Variants in ZC3H3 observed in about 807,000 individuals in gnomAD.
ZC3H3 encodes zinc finger CCCH domain-containing protein 3.
In ZC3H3, 36 loss-of-function variants were observed where a neutral mutation model predicts 77.3. That is an observed-to-expected ratio of 0.47 (90% confidence interval 0.36 to 0.61). The LOEUF is 0.61. ZC3H3 is among the 20% of genes least tolerant of loss of function. The pLI, the probability that ZC3H3 is intolerant of heterozygous loss-of-function variation, is 0.00. For synonymous variants in ZC3H3, 626 were observed against 555.2 expected, an observed-to-expected ratio of 1.13 and a Z score of -1.79; for missense variants, 1,331 against 1,312.2, an observed-to-expected ratio of 1.01 and a Z score of -0.22.
In ZC3H3 at chr8:143,500,197, C is replaced by G. The variant is rs182530909; in HGVS notation, c.1715+7549G>C. Among the ~76,000 whole-genome samples, 5 of 152,376 alleles carry G rather than the reference C, an allele frequency of 3.3e-5. No homozygotes were observed. The East Asian group carries it at 9.6e-4, about 29-fold the overall frequency. On this transcript the variant is annotated intron_variant, in intron 4 of 11. Coordinates refer to ENST00000262577, the MANE Select transcript of ZC3H3 (RefSeq NM_015117.3). ...CAGCAGCCACCCACAGAACTATCTG[C>G]TTCTGTTGTCTGCTTGCTTCCTGAC...
chr8:143,464,191 C>T (rs1001820136), intron 9 of ZC3H3, among the ~76,000 whole-genome samples: 8 of 152,256 alleles, frequency 5.3e-5, no homozygotes, highest in South Asian at 2.1e-4. Flanking sequence ...ATCATGCGGG[C>T]GCCGCGGCGC....
chr8:143,447,330 C>T (rs1226755477), intron 9 of ZC3H3, among the ~76,000 whole-genome samples: 6 of 152,230 alleles, frequency 3.9e-5, no homozygotes, highest in African/African-American at 1.4e-4. Flanking sequence ...CCACCACCAG[C>T]CACCTTGGAG....
chr8:143,477,694 CGGCCACTACCT>C (rs2129915462), intron 4 of ZC3H3, among the ~76,000 whole-genome samples: 1 of 152,296 alleles, frequency 6.6e-6, no homozygotes, highest in African/African-American at 2.4e-5. Context: ...ACAGGAGCTA[CGGCCACTACCT>C]GGGGGACACT....
At chr8:143,526,845 G>A (rs1190338902) in intron 3 of ZC3H3, among the ~76,000 whole-genome samples, 2 of 152,174 alleles carry the variant, frequency 1.3e-5, no homozygotes, top group Admixed American at 1.3e-4. Context: ...CTCAACAGGA[G>A]GCCAGCTGAG....
intron 3 of ZC3H3, among the ~76,000 whole-genome samples, chr8:143,515,454 C>G (rs1010412180): frequency 6.6e-5 from 10 of 152,252 alleles, no homozygotes; most frequent in Non-Finnish European, 1.5e-4. Context: ...TGTGGGGACC[C>G]TGCAGTTGTG....
chr8:143,508,420 C>A (rs1401331042), intron 3 of ZC3H3, among the ~76,000 whole-genome samples: 1 of 152,226 alleles, frequency 6.6e-6, no homozygotes, highest in Non-Finnish European at 1.5e-5. Context: ...CACCGCTGTG[C>A]CCAGACAGAC....
chr8:143,511,254 G>A (rs974787873), intron 3 of ZC3H3, among the ~76,000 whole-genome samples: 1 of 152,154 alleles, frequency 6.6e-6, no homozygotes, highest in Non-Finnish European at 1.5e-5. Context: ...AGGGGTCCAG[G>A]AGTCCTGCAG....
At chr8:143,446,788 G>A (rs1474901508) in intron 9 of ZC3H3, among the ~76,000 whole-genome samples, 1 of 152,268 alleles carries the variant, frequency 6.6e-6, no homozygotes, top group Non-Finnish European at 1.5e-5. Flanking sequence ...CACACTGCCT[G>A]GCCATGCACT....
In ZC3H3 at chr8:143,475,548, C is replaced by A. The variant is rs772856401; in HGVS notation, c.1753G>T (p.Gly585Trp). The change falls in exon 5 of 12, where the codon GGG becomes TGG. Residue 585 changes from glycine to tryptophan, a missense_variant. Transcript: ENST00000262577. ...VLNRLRPVASGGGKAQPGSPW... is the reference protein window; with the variant it reads ...VLNRLRPVASWGGKAQPGSPW... ...GAGCCCGGTTGGGCTTTCCCACCCC[C>A]GCTGGCAACTGGACGCAGGCGGTTC... 9 of 1,609,424 alleles carry A rather than the reference C, an allele frequency of 5.6e-6. No homozygotes were observed. Among genetic ancestry groups the A allele is most frequent in the Non-Finnish European group, 7.6e-6 (9 of 1,178,488 alleles).
chr8:143,527,657 T>C (rs1053523422), intron 3 of ZC3H3, among the ~76,000 whole-genome samples: 1 of 152,184 alleles, frequency 6.6e-6, no homozygotes, highest in African/African-American at 2.4e-5. Flanking sequence ...GGACTCCAGA[T>C]CTAACTGCTC....
In ZC3H3 at chr8:143,438,081, G is replaced by A. The variant is rs1399422656; in HGVS notation, c.2822C>T (p.Pro941Leu). 6.2e-7 allele frequency: 1 copy of A among 1,610,842 alleles called. No homozygotes were observed. Residue 941 changes from proline (P) to leucine (L), a missense_variant, in exon 12 of 12, where the codon CCT (proline) becomes CTT (leucine). Around this residue, in one of 3 missense-constraint regions of ZC3H3, gnomAD observed 249 missense variants for 236.9 expected, o/e 1.05. Transcript: ENST00000262577. ...RAPLTKDSGKPLHIKPRL is the reference protein window; with the variant it reads ...RAPLTKDSGKLLHIKPRL Reference sequence around the variant, plus strand: ...TCACAGACGTGGTTTGATGTGCAGAGGCTTCCCTATGCAAAGAGGGCAAAA... The same window carrying A: ...TCACAGACGTGGTTTGATGTGCAGAAGCTTCCCTATGCAAAGAGGGCAAAA...
intron 4 of ZC3H3, among the ~76,000 whole-genome samples, chr8:143,476,169 G>C (rs1272093422): frequency 6.6e-6 from 1 of 152,142 alleles, no homozygotes; most frequent in African/African-American, 2.4e-5. Flanking sequence ...GACACCATAG[G>C]GTCAGCAGGC....
At chr8:143,516,474 G>A (rs1586947211) in intron 3 of ZC3H3, among the ~76,000 whole-genome samples, 2 of 151,422 alleles carry the variant, frequency 1.3e-5, no homozygotes, top group East Asian at 2.0e-4. Context: ...ATCCCACATT[G>A]GCAGAAAAAC....
intron 9 of ZC3H3, among the ~76,000 whole-genome samples, chr8:143,450,473 A>C (rs1256615070): frequency 6.6e-6 from 1 of 152,146 alleles, no homozygotes; most frequent in Non-Finnish European, 1.5e-5. Context: ...GAGCCACTGC[A>C]CCCAGTCAAG....
chr8:143,539,240 T>C lies in ZC3H3; in HGVS notation c.127A>G (p.Thr43Ala). 1 of 1,612,726 alleles carries C rather than the reference T, an allele frequency of 6.2e-7. No homozygotes were observed. Among genetic ancestry groups the C allele is most frequent in the Non-Finnish European group, 8.5e-7 (1 of 1,179,950 alleles). Residue 43 changes from threonine (T) to alanine (A), a missense_variant, in exon 2 of 12, where the codon ACT becomes GCT. Physicochemically the swap from Thr to Ala is moderately conservative, Grantham distance 58. Coordinates refer to ENST00000262577, the MANE Select transcript of ZC3H3 (RefSeq NM_015117.3). Reference protein sequence around the residue: ...TPAASGWQPPTYHSGRAFSAR... With the variant: ...TPAASGWQPPAYHSGRAFSAR... ...CTAAAGGCTCTGCCACTGTGGTAAG[T>C]GGGTGGCTGCCACCCAGAAGCTGCT...
intron 9 of ZC3H3, among the ~76,000 whole-genome samples, chr8:143,454,619 G>C (rs71520522): frequency 6.6e-6 from 1 of 151,544 alleles, no homozygotes; most frequent in Non-Finnish European, 1.5e-5. Flanking sequence ...TACCGTGTTA[G>C]CCAGGATGGT....
intron 3 of ZC3H3, among the ~76,000 whole-genome samples, chr8:143,517,853 C>T (rs1273449136): frequency 6.6e-6 from 1 of 152,238 alleles, no homozygotes; most frequent in African/African-American, 2.4e-5. Context: ...CCTGTGCTCC[C>T]TGCCCCACCT....
chr8:143,507,804 C>A lies in ZC3H3; in HGVS notation c.1657G>T (p.Ala553Ser), dbSNP rs779568989. 4 of 1,606,486 alleles carry A rather than the reference C, an allele frequency of 2.5e-6. No homozygotes were observed. Among genetic ancestry groups the A allele is most frequent in the Non-Finnish European group, 3.4e-6 (4 of 1,178,192 alleles). ...GGCAGAGACAGGGGGAAGGGCGGGG[C>A]GCTGAGAGGCGAGGCCGGCGTCTTC... is the stretch of plus-strand genomic sequence containing the variant. ...VKKTPASPLS[A>S]PPFPLSLPSW... The change falls in exon 4 of 12, where the codon GCC becomes TCC. Residue 553 changes from alanine to serine, a missense_variant. By Grantham distance (99) the Ala-to-Ser change is moderately conservative. Around this residue, in one of 3 missense-constraint regions of ZC3H3, gnomAD observed 978 missense variants for 915.5 expected, o/e 1.07. Transcript: ENST00000262577.
chr8:143,464,613 C>T (rs1045487689), intron 9 of ZC3H3, among the ~76,000 whole-genome samples: 7 of 152,200 alleles, frequency 4.6e-5, no homozygotes, highest in Admixed American at 2.6e-4. Flanking sequence ...GCAGGAGAGC[C>T]GCCAGAGCTT....
Sources: allele counts gnomAD v4.1 joint callset (sites outside exome capture counted in the v4.1 genomes callset), GRCh38; gene constraint gnomAD v4.1.1; regional missense constraint gnomAD v4.1.1; transcripts MANE v1.5; gene names NCBI Gene and HGNC (gene_info 2026-07-23, HGNC 2026-07-21).